SMR3A: variants seen among roughly 807,000 people sequenced by gnomAD.
The protein encoded by SMR3A is submaxillary gland androgen-regulated protein 3A.
For synonymous variants in SMR3A, 48 were observed against 57.4 expected (o/e 0.84, Z 0.74); for missense variants, 188 against 163.0 (o/e 1.15, Z -0.84).
At chr4:70,364,374 TAAG>T (rs1732215978) in intron 2 of SMR3A, among the ~76,000 whole-genome samples, 1 of 151,700 alleles carries the variant, frequency 6.6e-6, no homozygotes, top group Non-Finnish European at 1.5e-5. Context: ...AGAAAGATGA[TAAG>T]AAGTGGTTAG....
intron 2 of SMR3A, among the ~76,000 whole-genome samples, chr4:70,364,629 T>C (rs558187630): frequency 1.3e-5 from 2 of 152,056 alleles, no homozygotes; most frequent in East Asian, 3.9e-4. Context: ...GGGAAGTTCG[T>C]TTCTAATTGC....
chr4:70,366,616 A>G (rs753891241), intron 2 of SMR3A, 28 bp from the exon 3 acceptor site: 101 of 1,538,086 alleles, frequency 6.6e-5, no homozygotes, highest in Non-Finnish European at 3.8e-5. Context: ...TATCTGATTT[A>G]AAATTATTTA....
In SMR3A at chr4:70,367,042, C is replaced by T; in HGVS notation, c.*48C>T. On this transcript the variant is annotated 3_prime_UTR_variant, in exon 3 of 3. Coordinates refer to ENST00000226460, the MANE Select transcript of SMR3A (RefSeq NM_012390.4). ...CCACCACCCACAAAAGACAACACTA[C>T]CCTCGTAACTACTGCTTCTACTACC... The T allele has an allele frequency of 6.7e-7, 1 of 1,495,902 alleles. No homozygotes were observed. The highest frequency in any genetic ancestry group is 9.3e-7 in the Non-Finnish European group (1 of 1,078,214). The allele number at this position is 1,495,902 out of a possible 1,614,324, so 92.7% of individuals were successfully genotyped here. A position where few individuals can be genotyped will look rare whatever the true frequency, so the allele number is the denominator to read the frequency against.
chr4:70,366,424 G>A (rs541107820), intron 2 of SMR3A, among the ~76,000 whole-genome samples: 2 of 152,108 alleles, frequency 1.3e-5, no homozygotes, highest in African/African-American at 4.8e-5. Flanking sequence ...TCAAAGCCCA[G>A]AGGAAAGCAT....
In SMR3A at chr4:70,366,776, T is replaced by A. The variant is rs879116771; in HGVS notation, c.187T>A (p.Phe63Ile). ...PHPPPYGPGRFPPPLSPPYGP... is the reference protein window; with the variant it reads ...PHPPPYGPGRIPPPLSPPYGP... The stretch of plus-strand genomic sequence containing the variant: ...TCCTCCACCCTATGGTCCAGGGAGA[T>A]TTCCACCACCCCTTTCTCCACCCTA... Residue 63 changes from phenylalanine to isoleucine, a missense_variant, in exon 3 of 3, where the codon TTT (phenylalanine) becomes ATT (isoleucine). Physicochemically the swap from Phe to Ile is conservative, Grantham distance 21. Transcript: ENST00000226460. 1 of 1,612,086 alleles carries A rather than the reference T, an allele frequency of 6.2e-7. No individual in the cohort carries two copies. The highest frequency in any genetic ancestry group is 1.1e-5 in the South Asian group (1 of 90,994).
At chr4:70,361,471 A>C (rs1732145195) in intron 1 of SMR3A, among the ~76,000 whole-genome samples, 1 of 151,878 alleles carries the variant, frequency 6.6e-6, no homozygotes, top group Admixed American at 6.6e-5. Flanking sequence ...ATATTCTCTG[A>C]CTTGGTCTTT....
intron 1 of SMR3A, among the ~76,000 whole-genome samples, chr4:70,361,152 A>G (rs963420215): frequency 6.6e-6 from 1 of 151,924 alleles, no homozygotes; most frequent in South Asian, 2.1e-4. Flanking sequence ...ATTGTTCCAC[A>G]GTATATGTTT....
chr4:70,362,465 T>G (rs147347569), intron 2 of SMR3A, among the ~76,000 whole-genome samples: 1 of 151,816 alleles, frequency 6.6e-6, no homozygotes, highest in African/African-American at 2.4e-5. Context: ...GGTAAAACTC[T>G]ATAAAATGAG....
At position 70,367,032 on chromosome 4, in the gene SMR3A, G is replaced by C; in HGVS notation, c.*38G>C. On this transcript the variant is annotated 3_prime_UTR_variant, in exon 3 of 3. Coordinates refer to ENST00000226460, the MANE Select transcript of SMR3A (RefSeq NM_012390.4). ...GCAACAGGTGCCACCACCCACAAAAGACAACACTACCCTCGTAACTACTGC... is the reference window on the plus strand; with the variant it reads ...GCAACAGGTGCCACCACCCACAAAACACAACACTACCCTCGTAACTACTGC... 1 of 1,548,832 alleles carries C rather than the reference G, an allele frequency of 6.5e-7. No individual in the cohort carries two copies. Among genetic ancestry groups the C allele is most frequent in the Non-Finnish European group, 8.9e-7 (1 of 1,124,468 alleles).
chr4:70,367,156 TG>T lies in SMR3A; in HGVS notation c.*163del, dbSNP rs1414350047. 1 of 667,082 alleles carries T rather than the reference TG, an allele frequency of 1.5e-6. No homozygotes were observed. The highest frequency in any genetic ancestry group is 2.5e-6 in the Non-Finnish European group (1 of 395,226). 41.3% of individuals were successfully genotyped at this position (667,082 alleles called of 1,614,324 possible). A position where few individuals can be genotyped will look rare whatever the true frequency, so the allele number is the denominator to read the frequency against. Reference sequence around the variant, plus strand: ...ATGAGAATAAAGATTTCCAAAGCACTGAGCTTTTGGGAGAAATATCTTAGAA... The same window carrying T: ...ATGAGAATAAAGATTTCCAAAGCACTAGCTTTTGGGAGAAATATCTTAGAA... On this transcript the variant is annotated 3_prime_UTR_variant, in exon 3 of 3. Coordinates refer to ENST00000226460, the MANE Select transcript of SMR3A (RefSeq NM_012390.4).
In SMR3A at chr4:70,362,084, T is replaced by G; in HGVS notation, c.-14-18T>G. ...ATAAAAAACAATCATACTGATCACC[T>G]ATTGTGCTTACTTTCAGAGGCAACT... On this transcript the variant is annotated intron_variant, in intron 1 of 2. Coordinates refer to ENST00000226460, the MANE Select transcript of SMR3A (RefSeq NM_012390.4). 3 of 1,611,066 alleles carry G rather than the reference T, an allele frequency of 1.9e-6. No individual in the cohort carries two copies. The highest frequency in any genetic ancestry group is 2.5e-6 in the Non-Finnish European group (3 of 1,177,952).
intron 2 of SMR3A, among the ~76,000 whole-genome samples, chr4:70,362,561 A>AATAAGAGTATCTC (rs141882225): frequency 6.6e-6 from 1 of 151,676 alleles, no homozygotes; most frequent in African/African-American, 2.4e-5. Context: ...TCCAAGCCTG[A>AATAAGAGTATCTC]ATAATAGGAC....
intron 2 of SMR3A, among the ~76,000 whole-genome samples, chr4:70,364,660 A>G (rs1348554537): frequency 6.6e-6 from 1 of 151,982 alleles, no homozygotes; most frequent in East Asian, 1.9e-4. Context: ...TTGGTGAAGC[A>G]GGAGAAAAGC....
Position 70,366,867 on chromosome 4 carries a change from C to T in SMR3A, c.278C>T (p.Ser93Phe). 6.2e-7 allele frequency: 1 copy of T among 1,613,612 alleles called. No individual in the cohort carries two copies. The highest frequency in any genetic ancestry group is 8.5e-7 in the Non-Finnish European group (1 of 1,179,788). ...PYGPGRIQSHSLPPPYGPGYP... is the reference protein window; with the variant it reads ...PYGPGRIQSHFLPPPYGPGYP... ...GGTCCAGGGAGAATTCAATCACACT[C>T]TCTTCCTCCTCCTTATGGCCCAGGT... Residue 93 changes from serine (S) to phenylalanine (F), a missense_variant, in exon 3 of 3, where the codon TCT becomes TTT. Ser to Phe is a radical substitution (Grantham distance 155). Transcript: ENST00000226460.
intron 2 of SMR3A, among the ~76,000 whole-genome samples, chr4:70,363,083 A>T (rs557332309): frequency 4.6e-4 from 70 of 151,986 alleles, no homozygotes; most frequent in Non-Finnish European, 9.6e-4. Flanking sequence ...CCAATAAAAC[A>T]TATTGACATC....
intron 2 of SMR3A, 48 bp from the exon 3 acceptor site, chr4:70,366,596 A>C (rs756279500): frequency 6.7e-7 from 1 of 1,489,968 alleles, no homozygotes; most frequent in African/African-American, 1.4e-5. Flanking sequence ...CCTTATATTT[A>C]ACTGTGAAAT....
Position 70,362,103 on chromosome 4 carries a change from G to C in SMR3A, c.-13G>C. Reference sequence around the variant, plus strand: ...ATCACCTATTGTGCTTACTTTCAGAGGCAACTGAAAGGATGAAATCACTGA... The same window carrying C: ...ATCACCTATTGTGCTTACTTTCAGACGCAACTGAAAGGATGAAATCACTGA... On this transcript the variant is annotated splice_region_variant and 5_prime_UTR_variant, in exon 2 of 3. Transcript: ENST00000226460. The C allele has an allele frequency of 6.2e-7, 1 of 1,611,414 alleles. No individual in the cohort carries two copies. Among genetic ancestry groups the C allele is most frequent in the South Asian group, 1.1e-5 (1 of 90,976 alleles).
In SMR3A at chr4:70,366,713, T is replaced by C. The variant is rs10024123; in HGVS notation, c.124T>C (p.Cys42Arg). ...PGPLAPPPPP[C>R]FPFGTGFVPP... ...ACCACTGGCTCCTCCTCCTCCACCATGTTTTCCTTTTGGAACAGGATTTGT... is the reference window on the plus strand; with the variant it reads ...ACCACTGGCTCCTCCTCCTCCACCACGTTTTCCTTTTGGAACAGGATTTGT... The change falls in exon 3 of 3, where the codon TGT becomes CGT. Residue 42 changes from cysteine (C) to arginine (R), a missense_variant. Physicochemically the swap from Cys to Arg is radical, Grantham distance 180. Transcript: ENST00000226460. The C allele has an allele frequency of 0.96, 1,544,804 of 1,613,528 alleles. 739,761 individuals are homozygous for C. Among genetic ancestry groups the C allele is most frequent in the East Asian group, 1 (44,786 of 44,794 alleles).
chr4:70,364,060 G>T (rs1444484332), intron 2 of SMR3A, among the ~76,000 whole-genome samples: 2 of 151,974 alleles, frequency 1.3e-5, no homozygotes, highest in African/African-American at 4.8e-5. Context: ...CATGTTAAGG[G>T]CAAAAGCCAG....
Sources: gnomAD v4.1 joint callset for allele counts (sites outside exome capture counted in the v4.1 genomes callset) on GRCh38, gnomAD v4.1.1 for gene constraint, MANE v1.5 for transcripts, NCBI Gene and HGNC (gene_info 2026-07-23, HGNC 2026-07-21) for gene names.